The following NETO2 variants were observed in gnomAD, a reference collection of about 807,000 sequenced individuals.
NETO2 encodes the protein neuropilin and tolloid-like protein 2.
Under a neutral mutation model 62.5 loss-of-function variants are expected in NETO2, and 28 were observed. That is an observed-to-expected ratio of 0.45 (90% CI 0.33 to 0.61). NETO2 has a LOEUF of 0.61. Among genes scored for constraint, NETO2 ranks in the 20% least tolerant of loss-of-function variants. The pLI, the probability that NETO2 is intolerant of heterozygous loss-of-function variation, is 0.02. For synonymous variants in NETO2, 214 were observed against 219.1 expected, an observed-to-expected ratio of 0.98 and a Z score of 0.21; for missense variants, 548 against 643.2, an observed-to-expected ratio of 0.85 and a Z score of 1.60.
chr16:47,141,445 T>C (rs376369038), intron 1 of NETO2, among the ~76,000 whole-genome samples: 2 of 151,868 alleles, frequency 1.3e-5, no homozygotes, highest in Non-Finnish European at 2.9e-5. Flanking sequence ...TTAAATAAAT[T>C]ATACATGCGT....
At chr16:47,131,707 A>C (rs1035238349) in intron 2 of NETO2, among the ~76,000 whole-genome samples, 2 of 152,212 alleles carry the variant, frequency 1.3e-5, no homozygotes, top group African/African-American at 4.8e-5. Context: ...ATCTCCTTTA[A>C]TTTTTGGACA....
At chr16:47,088,819 T>C (rs1460395855) in intron 7 of NETO2, among the ~76,000 whole-genome samples, 1 of 152,198 alleles carries the variant, frequency 6.6e-6, no homozygotes, top group Non-Finnish European at 1.5e-5. Flanking sequence ...TTTTCATTCA[T>C]CTGCCTTACC....
chr16:47,122,006 TGA>T, intron 6 of NETO2, among the ~76,000 whole-genome samples: 1 of 152,224 alleles, frequency 6.6e-6, no homozygotes, highest in Admixed American at 6.5e-5. Context: ...TCATGATTCT[TGA>T]GAGGTATGTT....
At chr16:47,132,793 G>C (rs1030683220) in intron 1 of NETO2, among the ~76,000 whole-genome samples, 1 of 152,158 alleles carries the variant, frequency 6.6e-6, no homozygotes, top group Non-Finnish European at 1.5e-5. Context: ...ACTGAAGAGC[G>C]GGCACCAAGG....
intron 4 of NETO2, among the ~76,000 whole-genome samples, chr16:47,127,785 T>C (rs538549942): frequency 2.6e-5 from 4 of 152,236 alleles, no homozygotes; most frequent in African/African-American, 4.8e-5. Flanking sequence ...ATTTTACTAA[T>C]GGCCAATCTC....
intron 2 of NETO2, among the ~76,000 whole-genome samples, chr16:47,129,618 A>C (rs1964225452): frequency 6.6e-6 from 1 of 152,188 alleles, no homozygotes; most frequent in Non-Finnish European, 1.5e-5. Context: ...ACAAAGGGCA[A>C]AACCATATGG....
chr16:47,083,074 A>G lies in NETO2; in HGVS notation c.*147T>C. ...ACATATATAGACTGCCTGAGAGAATAAAAACATCACCATACAATAGGTTAA... is the reference window on the plus strand; with the variant it reads ...ACATATATAGACTGCCTGAGAGAATGAAAACATCACCATACAATAGGTTAA... On this transcript the variant is annotated 3_prime_UTR_variant, in exon 9 of 9. Transcript: ENST00000562435. The G allele has an allele frequency of 1.5e-6, 1 of 683,854 alleles. No individual in the cohort carries two copies. Among genetic ancestry groups the G allele is most frequent in the South Asian group, 2.1e-5 (1 of 47,680 alleles). 42.4% of individuals were successfully genotyped at this position (683,854 alleles called of 1,614,324 possible).
intron 7 of NETO2, among the ~76,000 whole-genome samples, chr16:47,100,843 G>A (rs1264716664): frequency 6.6e-6 from 1 of 152,160 alleles, no homozygotes; most frequent in Non-Finnish European, 1.5e-5. Context: ...CCCAGGACCA[G>A]ATGGATTCAC....
At chr16:47,108,013 G>A (rs979028074) in intron 7 of NETO2, among the ~76,000 whole-genome samples, 2 of 152,098 alleles carry the variant, frequency 1.3e-5, no homozygotes, top group Non-Finnish European at 2.9e-5. Context: ...CTGACCTCAA[G>A]TGATCTGCCG....
chr16:47,130,386 C>T (rs556666485), intron 2 of NETO2, among the ~76,000 whole-genome samples: 1 of 151,906 alleles, frequency 6.6e-6, no homozygotes, highest in African/African-American at 2.4e-5. Context: ...TTTAGTGCCC[C>T]TCTTAAAATA....
At position 47,097,003 on chromosome 16, in the gene NETO2, C is replaced by A. The variant is rs940818791; in HGVS notation, c.884-10664G>T. Among the ~76,000 whole-genome samples the A allele has an allele frequency of 2.0e-5, 3 of 152,348 alleles. No individual in the cohort carries two copies. In the East Asian group the frequency reaches 5.8e-4, roughly 29 times the overall value. ...GGCGCATTCTGGCCCAGATACTACA[C>A]TTTTCCCATGGTCTTCACAACCCGC... On this transcript the variant is annotated intron_variant, in intron 7 of 8. Coordinates refer to ENST00000562435, the MANE Select transcript of NETO2 (RefSeq NM_018092.5).
chr16:47,112,710 T>C (rs1018114247), intron 6 of NETO2, among the ~76,000 whole-genome samples: 1 of 152,206 alleles, frequency 6.6e-6, no homozygotes, highest in Non-Finnish European at 1.5e-5. Context: ...AATTCCCATG[T>C]CAACTGTAAT....
chr16:47,110,252 A>G (rs1052631123), intron 6 of NETO2, among the ~76,000 whole-genome samples: 2 of 152,200 alleles, frequency 1.3e-5, no homozygotes, highest in Non-Finnish European at 2.9e-5. Context: ...ACTGTTCTAC[A>G]TGGTTGCTTT....
chr16:47,112,908 A>G (rs1300467040), intron 6 of NETO2, among the ~76,000 whole-genome samples: 8 of 152,220 alleles, frequency 5.3e-5, no homozygotes, highest in Non-Finnish European at 7.3e-5. Flanking sequence ...ATATTTTCAT[A>G]CTTACATATC....
At chr16:47,140,339 C>G (rs1294188194) in intron 1 of NETO2, among the ~76,000 whole-genome samples, 1 of 152,172 alleles carries the variant, frequency 6.6e-6, no homozygotes, top group Non-Finnish European at 1.5e-5. Flanking sequence ...AATAATTATT[C>G]TACAGGAGCG....
chr16:47,138,386 C>G lies in NETO2; in HGVS notation c.34+5193G>C, dbSNP rs192510674. On this transcript the variant is annotated intron_variant, in intron 1 of 8. Transcript: ENST00000562435. ...CTGCACTCCAGCCTGGGTGACAGAGCAAGACTCCATCTCAAACAAAACAAA... is the reference window on the plus strand; with the variant it reads ...CTGCACTCCAGCCTGGGTGACAGAGGAAGACTCCATCTCAAACAAAACAAA... 2.0e-5 allele frequency among the ~76,000 whole-genome samples: 3 copies of G among 152,268 alleles called. No individual in the cohort carries two copies. In the East Asian group the frequency reaches 5.8e-4, roughly 29 times the overall value.
intron 1 of NETO2, among the ~76,000 whole-genome samples, chr16:47,142,980 C>T (rs1441266971): frequency 6.6e-6 from 1 of 151,826 alleles, no homozygotes; most frequent in Non-Finnish European, 1.5e-5. Flanking sequence ...CCGGGACAAG[C>T]CGGGTCCGCG....
chr16:47,130,647 G>C (rs1349320567), intron 2 of NETO2, among the ~76,000 whole-genome samples: 1 of 151,968 alleles, frequency 6.6e-6, no homozygotes, highest in South Asian at 2.1e-4. Context: ...AACCAAAAAA[G>C]CTTCCAAAAA....
At chr16:47,109,382 A>C (rs992208499) in intron 7 of NETO2, 101 bp downstream of exon 7, 3 of 599,942 alleles carry the variant, frequency 5.0e-6, no homozygotes, top group Admixed American at 7.4e-5. Flanking sequence ...ACAAAAAAAA[A>C]CATCCTAAAA....
Sources: gnomAD v4.1 joint callset for allele counts (sites outside exome capture counted in the v4.1 genomes callset) on GRCh38, gnomAD v4.1.1 for gene constraint, MANE v1.5 for transcripts, NCBI Gene and HGNC (gene_info 2026-07-23, HGNC 2026-07-21) for gene names.